The following LPXN variants were observed in gnomAD, a reference collection of about 807,000 sequenced individuals.
The protein encoded by LPXN is leupaxin.
In LPXN, 28 loss-of-function variants were observed where a neutral mutation model predicts 45.6. The observed-to-expected ratio is 0.61, with a 90% CI of 0.45 to 0.84. The LOEUF is 0.84. Ranked by LOEUF, LPXN falls within the 40% of genes least tolerant of loss-of-function variation. The pLI is 0.00. For synonymous variants in LPXN, 166 were observed against 169.9 expected (o/e 0.98, Z 0.18); for missense variants, 459 against 475.0 (o/e 0.97, Z 0.31).
At chr11:58,533,601 A>T (rs1363152648) in intron 7 of LPXN, among the ~76,000 whole-genome samples, 1 of 152,224 alleles carries the variant, frequency 6.6e-6, no homozygotes, top group Non-Finnish European at 1.5e-5. Flanking sequence ...TGCTATGAAG[A>T]AACTGTTCAT....
At position 58,564,930 on chromosome 11, in the gene LPXN, G is replaced by A. The variant is rs191003109; in HGVS notation, c.172-729C>T. On this transcript the variant is annotated intron_variant, in intron 2 of 8. Transcript: ENST00000395074. The stretch of plus-strand genomic sequence containing the variant: ...AAATATCTGGGGTCATATGATTCAG[G>A]TGGAAAGGCCAGCAGGAAAACCACC... Among the ~76,000 whole-genome samples, 22 of 152,234 alleles carry A rather than the reference G, an allele frequency of 1.4e-4. No individual in the cohort carries two copies. The East Asian group carries it at 3.3e-3, about 23-fold the overall frequency.
intron 7 of LPXN, among the ~76,000 whole-genome samples, chr11:58,531,825 T>C (rs954098876): frequency 2.6e-5 from 4 of 152,368 alleles, no homozygotes; most frequent in African/African-American, 7.2e-5. Context: ...GGCACGTCCT[T>C]GGCCTCGGCA....
intron 7 of LPXN, among the ~76,000 whole-genome samples, chr11:58,540,253 C>G (rs1021231845): frequency 1.3e-5 from 2 of 151,916 alleles, no homozygotes; most frequent in Non-Finnish European, 2.9e-5. Context: ...GATTCATTAA[C>G]AAATAAATAG....
intron 1 of LPXN, 145 bp downstream of exon 1, chr11:58,575,615 C>T (rs1009355926): frequency 1.4e-5 from 13 of 950,008 alleles, no homozygotes; most frequent in East Asian, 2.4e-5. Context: ...ATGCTTCACT[C>T]TTGGCAGGGC....
At chr11:58,542,180 T>TA (rs1413567586) in intron 7 of LPXN, among the ~76,000 whole-genome samples, 10 of 151,760 alleles carry the variant, frequency 6.6e-5, no homozygotes, top group Admixed American at 5.3e-4. Flanking sequence ...CCCTAAAACT[T>TA]AAAGTATAAT....
At chr11:58,578,057 T>G, upstream of LPXN, 1 of 1,550,378 alleles carries the variant, frequency 6.5e-7, no homozygotes, top group Non-Finnish European at 8.7e-7. Context: ...GAACGCTGGC[T>G]AGCCAGTCCC....
At chr11:58,555,658 G>GA (rs1416048944) in intron 3 of LPXN, among the ~76,000 whole-genome samples, 2 of 151,536 alleles carry the variant, frequency 1.3e-5, no homozygotes, top group East Asian at 3.9e-4. Context: ...ATCCACTTAA[G>GA]AAAAAACAAA....
chr11:58,558,540 C>CAA (rs35870490), intron 3 of LPXN, among the ~76,000 whole-genome samples: 1,053 of 46,334 alleles, frequency 0.023, 26 homozygotes, highest in African/African-American at 0.045. Flanking sequence ...GAGACCCTGT[C>CAA]AAAAAAAAAA....
chr11:58,576,269 G>A (rs1182788613), upstream of LPXN, among the ~76,000 whole-genome samples: 1 of 150,808 alleles, frequency 6.6e-6, no homozygotes, highest in Non-Finnish European at 1.5e-5. Flanking sequence ...ATTTCATTTT[G>A]TTGTCTTATT....
At chr11:58,575,027 C>A (rs981278113) in intron 1 of LPXN, among the ~76,000 whole-genome samples, 2 of 152,160 alleles carry the variant, frequency 1.3e-5, no homozygotes, top group Admixed American at 6.5e-5. Flanking sequence ...TTGGCAAAGG[C>A]TATGGAATGA....
rs151303862 is a variant in LPXN, at chr11:58,574,448, C to T, written c.13+1312G>A. Among the ~76,000 whole-genome samples the T allele has an allele frequency of 1.2e-3, 188 of 152,272 alleles. 1 individual carries two copies. The highest frequency in any genetic ancestry group is 4.4e-3 in the African/African-American group (181 of 41,546). On this transcript the variant is annotated intron_variant, in intron 1 of 8. Transcript: ENST00000395074. ...GGATAACACCTATTTCAGAGGGTTG[C>T]TGCAGACACTAAAATGATTAACATA...
chr11:58,562,549 C>G (rs895442036), intron 3 of LPXN, among the ~76,000 whole-genome samples: 1 of 152,124 alleles, frequency 6.6e-6, no homozygotes, highest in Non-Finnish European at 1.5e-5. Context: ...AAACACAAAC[C>G]ACATGAGTAC....
At chr11:58,535,471 C>A (rs1172430177) in intron 7 of LPXN, among the ~76,000 whole-genome samples, 1 of 152,070 alleles carries the variant, frequency 6.6e-6, no homozygotes, top group East Asian at 1.9e-4. Context: ...ATTTAACACC[C>A]CTTCATGATA....
chr11:58,543,223 C>G lies in LPXN; in HGVS notation c.742+6563G>C, dbSNP rs182602835. On this transcript the variant is annotated intron_variant, in intron 7 of 8. Transcript: ENST00000395074. Reference sequence around the variant, plus strand: ...GAACTTTCCTTTTTGTCACTATATCCCTAGTACTTTGAATAATGCTTGACA... The same window carrying G: ...GAACTTTCCTTTTTGTCACTATATCGCTAGTACTTTGAATAATGCTTGACA... 2.0e-5 allele frequency among the ~76,000 whole-genome samples: 3 copies of G among 152,180 alleles called. No homozygotes were observed. The East Asian group carries it at 5.8e-4, about 29-fold the overall frequency.
At chr11:58,573,688 A>G (rs1036475609) in intron 1 of LPXN, among the ~76,000 whole-genome samples, 2 of 152,158 alleles carry the variant, frequency 1.3e-5, no homozygotes, top group African/African-American at 4.8e-5. Flanking sequence ...GAAGATGACT[A>G]ATTTCAGTAT....
Position 58,575,779 on chromosome 11 carries a change from A to G in LPXN, c.-7T>C, listed in dbSNP as rs753663774. 1.2e-6 allele frequency: 2 copies of G among 1,614,170 alleles called. No homozygotes were observed. Among genetic ancestry groups the G allele is most frequent in the South Asian group, 1.1e-5 (1 of 91,082 alleles). On this transcript the variant is annotated 5_prime_UTR_variant, in exon 1 of 9. The change abolishes the stop of an existing upstream ORF in the 5' untranslated region. Transcript: ENST00000395074. ...ACTCACCTAACTCTTCCATTGTCCT[A>G]CATCCAAGATGCTCTTGTCTCACAG...
chr11:58,531,423 A>G (rs1001951879), intron 7 of LPXN, among the ~76,000 whole-genome samples: 17 of 152,124 alleles, frequency 1.1e-4, no homozygotes, highest in African/African-American at 3.9e-4. Context: ...ACAAGTATCA[A>G]TAGCTGAATT....
intron 7 of LPXN, among the ~76,000 whole-genome samples, chr11:58,535,503 A>G (rs1432121148): frequency 1.3e-5 from 2 of 152,212 alleles, no homozygotes; most frequent in Admixed American, 6.5e-5. Context: ...TAAACTAGGT[A>G]TTGATGGAAT....
At chr11:58,557,302 T>G (rs1854233789) in intron 3 of LPXN, among the ~76,000 whole-genome samples, 2 of 152,104 alleles carry the variant, frequency 1.3e-5, no homozygotes, top group Non-Finnish European at 2.9e-5. Flanking sequence ...ACAACTTAAG[T>G]GTCCATCAAT....
Sources: gnomAD v4.1 joint callset for allele counts (sites outside exome capture counted in the v4.1 genomes callset) on GRCh38, gnomAD v4.1.1 for gene constraint, MANE v1.5 for transcripts, NCBI Gene and HGNC (gene_info 2026-07-23, HGNC 2026-07-21) for gene names.